NUP210: variants seen among roughly 807,000 people sequenced by gnomAD.
NUP210 encodes the protein nucleoporin 210, also known as nuclear pore membrane glycoprotein 210.
In NUP210, 151 loss-of-function variants were observed where a neutral mutation model predicts 196.0. The ratio of observed to expected loss-of-function variants is 0.77; its 90% confidence interval spans 0.67 to 0.88. The LOEUF is 0.88. NUP210 is among the 40% of genes least tolerant of loss of function. The pLI, the probability that NUP210 is intolerant of heterozygous loss-of-function variation, is 0.00. For synonymous variants in NUP210, 1,070 were observed against 1,052.7 expected, an observed-to-expected ratio of 1.02 and a Z score of -0.32; for missense variants, 2,314 against 2,493.7, an observed-to-expected ratio of 0.93 and a Z score of 1.53.
chr3:13,319,427 C>T (rs1696415316), intron 37 of NUP210, 102 bp from the exon 38 acceptor site: 4 of 980,562 alleles, frequency 4.1e-6, no homozygotes, highest in Non-Finnish European at 6.3e-6. Context: ...TCCACAGGTC[C>T]CTCTTAGATG....
At chr3:13,399,027 G>T (rs1699752423) in intron 2 of NUP210, among the ~76,000 whole-genome samples, 1 of 152,190 alleles carries the variant, frequency 6.6e-6, no homozygotes, top group Non-Finnish European at 1.5e-5. Flanking sequence ...CCAACACTTT[G>T]GGAGGCTGAG....
At chr3:13,387,143 C>T (rs903163724) in intron 5 of NUP210, among the ~76,000 whole-genome samples, 1 of 152,266 alleles carries the variant, frequency 6.6e-6, no homozygotes, top group African/African-American at 2.4e-5. Flanking sequence ...GGGCATTCTA[C>T]ATTTTTCTGA....
chr3:13,332,205 C>T, intron 29 of NUP210, 88 bp downstream of exon 29: 2 of 1,060,136 alleles, frequency 1.9e-6, no homozygotes, highest in Non-Finnish European at 2.9e-6. Context: ...CTGAAAGTAC[C>T]CATGGCTCCT....
rs576001333 is a variant in NUP210 at position 13,404,680 on chromosome 3, C to A, written c.168-4819G>T. Among the ~76,000 whole-genome samples, 678 of 152,304 alleles carry A rather than the reference C, an allele frequency of 4.5e-3. 2 individuals are homozygous for A. Among genetic ancestry groups the A allele is most frequent in the Middle Eastern group, 0.01 (3 of 294 alleles). On this transcript the variant is annotated intron_variant, in intron 1 of 39. Coordinates refer to ENST00000254508, the MANE Select transcript of NUP210 (RefSeq NM_024923.4). ...AGCAGGATACTTTCTGCTATCAGGGCCACGCAGAAGCGCCCTCCCTCCGAA... is the reference window on the plus strand; with the variant it reads ...AGCAGGATACTTTCTGCTATCAGGGACACGCAGAAGCGCCCTCCCTCCGAA...
At chr3:13,330,256 G>C (rs998177384) in intron 30 of NUP210, among the ~76,000 whole-genome samples, 2 of 152,226 alleles carry the variant, frequency 1.3e-5, no homozygotes, top group Non-Finnish European at 2.9e-5. Flanking sequence ...TGGAATCAAT[G>C]ATTTCCCAAG....
At chr3:13,408,211 G>A (rs1301343514) in intron 1 of NUP210, among the ~76,000 whole-genome samples, 1 of 152,122 alleles carries the variant, frequency 6.6e-6, no homozygotes, top group East Asian at 1.9e-4. Context: ...TTGCATTCCT[G>A]GGATATGCCC....
At chr3:13,332,220 G>A in intron 29 of NUP210, 73 bp downstream of exon 29, 22 of 1,219,656 alleles carry the variant, frequency 1.8e-5, no homozygotes, top group Non-Finnish European at 2.6e-5. Context: ...GCTCCTGACA[G>A]TGTTGACACA....
chr3:13,329,022 G>T (rs2124840442), intron 30 of NUP210, 76 bp from the exon 31 acceptor site: 2 of 1,306,624 alleles, frequency 1.5e-6, no homozygotes, highest in South Asian at 1.3e-5. Flanking sequence ...CTCCCAAGGA[G>T]GGGACACCTG....
intron 20 of NUP210, 134 bp downstream of exon 20, chr3:13,351,745 G>C: frequency 1.6e-6 from 1 of 643,390 alleles, no homozygotes; most frequent in Non-Finnish European, 2.8e-6. Flanking sequence ...TGATCTTCCT[G>C]CCTTGACCTC....
At chr3:13,375,142 C>CTT (rs76945178) in intron 11 of NUP210, among the ~76,000 whole-genome samples, 6,429 of 138,308 alleles carry the variant, frequency 0.046, 184 homozygotes, top group African/African-American at 0.079. Context: ...TATTTTTTCT[C>CTT]TTTTTTTTTT....
intron 5 of NUP210, among the ~76,000 whole-genome samples, chr3:13,387,965 G>A (rs1262534345): frequency 6.6e-6 from 1 of 152,100 alleles, no homozygotes; most frequent in Non-Finnish European, 1.5e-5. Context: ...CCAAGTGCTT[G>A]GGAGTGTCCC....
intron 4 of NUP210, among the ~76,000 whole-genome samples, chr3:13,390,122 G>A (rs1699438539): frequency 1.3e-5 from 2 of 152,284 alleles, no homozygotes; most frequent in South Asian, 4.1e-4. Context: ...TCTGAAGACG[G>A]CCGGCAACAG....
chr3:13,365,414 T>C (rs1037587438), intron 14 of NUP210, among the ~76,000 whole-genome samples: 1 of 152,188 alleles, frequency 6.6e-6, no homozygotes, highest in Non-Finnish European at 1.5e-5. Flanking sequence ...ACTGAGGCTA[T>C]GTGGTCTGCT....
rs1475121090 is a variant in NUP210 at position 13,350,591 on chromosome 3, C to A, written c.2835+1288G>T. ...GATTCACCAGGCAAAGCCTTCCAAC[C>A]AAACAACGATGAAGGGAGTAAAGGA... is the stretch of plus-strand genomic sequence containing the variant. On this transcript the variant is annotated intron_variant, in intron 20 of 39. Transcript: ENST00000254508. The surrounding 1 kb of genome is among the most constrained non-coding windows in gnomAD (Gnocchi z 4.1). Among the ~76,000 whole-genome samples, 6 of 151,890 alleles carry A rather than the reference C, an allele frequency of 4.0e-5. No individual in the cohort carries two copies. The East Asian group carries it at 1.2e-3, about 29-fold the overall frequency.
intron 1 of NUP210, among the ~76,000 whole-genome samples, chr3:13,413,997 C>A (rs1328830600): frequency 2.0e-5 from 3 of 152,324 alleles, no homozygotes; most frequent in Non-Finnish European, 2.9e-5. Context: ...TCGCATGAGG[C>A]CCCACTGGCA....
chr3:13,348,458 A>G lies in NUP210; in HGVS notation c.2835+3421T>C. The G allele has an allele frequency of 1.0e-6, 1 of 985,358 alleles. No individual in the cohort carries two copies. The highest frequency in any genetic ancestry group is 1.2e-6 in the Non-Finnish European group (1 of 829,928). The allele number at this position is 985,358 out of a possible 1,614,324, so 61.0% of individuals were successfully genotyped here. On this transcript the variant is annotated intron_variant, in intron 20 of 39. Transcript: ENST00000254508. The surrounding 1 kb of genome is among the most constrained non-coding windows in gnomAD (Gnocchi z 4.0). ...TGCCTCGGTTTCACTGGCACTGTAC[A>G]CATTTTTCCCTAACTTGGAACTCCC... is the stretch of plus-strand genomic sequence containing the variant.
At position 13,343,179 on chromosome 3, in the gene NUP210, T is replaced by C. The variant is rs1183588729; in HGVS notation, c.2960A>G (p.Asp987Gly). 3 of 1,613,998 alleles carry C rather than the reference T, an allele frequency of 1.9e-6. No individual in the cohort carries two copies. In the African/African-American group the frequency reaches 4.0e-5, roughly 22 times the overall value. ...DIQELYIRVVDKVEIGKTVKA... is the reference protein window; with the variant it reads ...DIQELYIRVVGKVEIGKTVKA... ...CGTCATGAAGCTTCCACTGACCTTG[T>C]CAACCACACGGATGTACAGCTCCTG... The change falls in exon 21 of 40, where the codon GAC becomes GGC. Residue 987 changes from aspartate to glycine, a missense_variant. By Grantham distance (94) the Asp-to-Gly change is moderately conservative (BLOSUM62 -1). Transcript: ENST00000254508.
Position 13,323,225 on chromosome 3 carries a change from A to G in NUP210, c.4768+84T>C. The stretch of plus-strand genomic sequence containing the variant: ...TGGTGTGAGTGTGAATAGGAGAAGC[A>G]GATAAACTCCATCCAGAGGACACAG... On this transcript the variant is annotated intron_variant, in intron 34 of 39. Transcript: ENST00000254508. The surrounding 1 kb of genome is among the most constrained non-coding windows in gnomAD (Gnocchi z 4.3). 6 of 1,551,056 alleles carry G rather than the reference A, an allele frequency of 3.9e-6. No individual in the cohort carries two copies. The South Asian group carries it at 5.8e-5, about 15-fold the overall frequency.
Position 13,322,180 on chromosome 3 carries a change from T to A in NUP210, c.4915+13A>T. The stretch of plus-strand genomic sequence containing the variant: ...TCTCCAAGTCCCTTTCACTTTCAAA[T>A]CCTCGCAATTACCGAGAGCAGTGTC... On this transcript the variant is annotated intron_variant, in intron 35 of 39. Coordinates refer to ENST00000254508, the MANE Select transcript of NUP210 (RefSeq NM_024923.4). 6.2e-7 allele frequency: 1 copy of A among 1,613,986 alleles called. No homozygotes were observed. Among genetic ancestry groups the A allele is most frequent in the Non-Finnish European group, 8.5e-7 (1 of 1,179,874 alleles).
Sources: gnomAD v4.1 joint callset for allele counts (sites outside exome capture counted in the v4.1 genomes callset) on GRCh38, gnomAD v4.1.1 for gene constraint, Gnocchi (gnomAD v3.1) non-coding constraint, MANE v1.5 for transcripts, NCBI Gene and HGNC (gene_info 2026-07-23, HGNC 2026-07-21) for gene names.